The following SCN2B variants were observed in gnomAD, a reference collection of about 807,000 sequenced individuals.
SCN2B encodes the protein sodium channel regulatory subunit beta-2.
SCN2B carries 14 observed loss-of-function variants against 18.2 expected under a neutral mutation model. The ratio of observed to expected loss-of-function variants is 0.77; its 90% CI spans 0.51 to 1.21. The LOEUF (loss-of-function observed/expected upper bound fraction) is 1.21. Ranked by LOEUF, SCN2B falls within the 50% of genes most tolerant of loss-of-function variation. SCN2B has a pLI of 0.00. For missense variants in SCN2B, 262 were observed against 286.9 expected, an observed-to-expected ratio of 0.91 and a Z score of 0.63; for synonymous variants, 115 against 115.3, an observed-to-expected ratio of 1.00 and a Z score of 0.02.
At chr11:118,174,291 G>A (rs1752673952) in intron 1 of SCN2B, among the ~76,000 whole-genome samples, 1 of 151,636 alleles carries the variant, frequency 6.6e-6, no homozygotes, top group Admixed American at 6.6e-5. Context: ...TGGTAAGCAG[G>A]CCAGTGACTG....
chr11:118,174,261 C>T (rs1201072897), intron 1 of SCN2B, among the ~76,000 whole-genome samples: 1 of 151,854 alleles, frequency 6.6e-6, no homozygotes, highest in African/African-American at 2.4e-5. Flanking sequence ...TCTATGCCTC[C>T]ACTAACATAA....
Position 118,171,370 on chromosome 11 carries a change from A to T in SCN2B, c.71-2619T>A, listed in dbSNP as rs1948430095. Among the ~76,000 whole-genome samples, 3 of 152,262 alleles carry T rather than the reference A, an allele frequency of 2.0e-5. No individual in the cohort carries two copies. The South Asian group carries it at 6.2e-4, about 32-fold the overall frequency. Reference sequence around the variant, plus strand: ...TCTGGCAGCGCACCAGCCAAGGAGGAGGTGTGCAGAAAATGCCAACAGCAT... The same window carrying T: ...TCTGGCAGCGCACCAGCCAAGGAGGTGGTGTGCAGAAAATGCCAACAGCAT... On this transcript the variant is annotated intron_variant, in intron 1 of 3. Coordinates refer to ENST00000278947, the MANE Select transcript of SCN2B (RefSeq NM_004588.5).
At chr11:118,173,610 G>T (rs1398058178) in intron 1 of SCN2B, among the ~76,000 whole-genome samples, 6 of 152,182 alleles carry the variant, frequency 3.9e-5, no homozygotes, top group Non-Finnish European at 5.9e-5. Context: ...ACAGTGCCTA[G>T]CACATGGCCT....
chr11:118,176,388 G>A lies in SCN2B; in HGVS notation c.44C>T (p.Thr15Met), dbSNP rs201373014. ...AWLPRPAFSL[T>M]GLSLFFSLVP... The stretch of plus-strand genomic sequence containing the variant: ...CAAAGAGAAAAAGAGACTGAGCCCC[G>A]TGAGGCTGAAGGCAGGGCGAGGTAG... Residue 15 changes from threonine (T) to methionine (M), a missense_variant, in exon 1 of 4, where the codon ACG becomes ATG. Physicochemically the swap from Thr to Met is moderately conservative, Grantham distance 81. Coordinates refer to ENST00000278947, the MANE Select transcript of SCN2B (RefSeq NM_004588.5). 1.5e-5 allele frequency: 25 copies of A among 1,613,916 alleles called. No individual in the cohort carries two copies. Among genetic ancestry groups the A allele is most frequent in the Middle Eastern group, 3.3e-4 (2 of 6,084 alleles).
At position 118,162,942 on chromosome 11, in the gene SCN2B, T is replaced by C. The variant is rs999526868; in HGVS notation, c.*3945A>G. 6 of 152,526 alleles carry C rather than the reference T, an allele frequency of 3.9e-5. No homozygotes were observed. Among genetic ancestry groups the C allele is most frequent in the African/African-American group, 1.2e-4 (5 of 41,424 alleles). The allele number at this position is 152,526 out of a possible 1,614,324, so 9.4% of individuals were successfully genotyped here. A position where few individuals can be genotyped will look rare whatever the true frequency, so the allele number is the denominator to read the frequency against. On this transcript the variant is annotated 3_prime_UTR_variant, in exon 4 of 4. Transcript: ENST00000278947. ...AGGGCCATCTCAGTTTCTCTCCCCT[T>C]CCAACCACCCCTTCCAACCTCTCTA...
rs1301415690 is a variant in SCN2B at position 118,163,036 on chromosome 11, C to T, written c.*3851G>A. On this transcript the variant is annotated 3_prime_UTR_variant, in exon 4 of 4. Transcript: ENST00000278947. The stretch of plus-strand genomic sequence containing the variant: ...CCTCCAAGTGCACAAAGCGCAAGAA[C>T]ATTCCAAAATTTGCCTTTGGTGAAT... 1 of 152,616 alleles carries T rather than the reference C, an allele frequency of 6.6e-6. No homozygotes were observed. The highest frequency in any genetic ancestry group is 1.5e-5 in the Non-Finnish European group (1 of 68,042). The allele number at this position is 152,616 out of a possible 1,614,324, so 9.5% of individuals were successfully genotyped here. A position where few individuals can be genotyped will look rare whatever the true frequency, so the allele number is the denominator to read the frequency against.
rs771285734 is a variant in SCN2B at position 118,168,564 on chromosome 11, T to C, written c.237+21A>G. On this transcript the variant is annotated intron_variant, in intron 2 of 3. Transcript: ENST00000278947. This position sits in a 1 kb window ranked among gnomAD's most constrained non-coding sequence, Gnocchi z 4.7. ...GGGCTCCTACCTCCTCCCCTGCCCC[T>C]GCCTTCAGCCCAGGACTCACCATCT... 1 of 1,614,000 alleles carries C rather than the reference T, an allele frequency of 6.2e-7. No individual in the cohort carries two copies. The highest frequency in any genetic ancestry group is 8.5e-7 in the Non-Finnish European group (1 of 1,179,982).
chr11:118,166,647 C>T lies in SCN2B; in HGVS notation c.*240G>A. On this transcript the variant is annotated 3_prime_UTR_variant, in exon 4 of 4. Coordinates refer to ENST00000278947, the MANE Select transcript of SCN2B (RefSeq NM_004588.5). ...CCCCCCAGGGACTGGCAGGTGGGAG[C>T]CCTTTCTCTCCTCTCCCCAGGGCCC... The T allele has an allele frequency of 1.8e-6, 1 of 569,642 alleles. No homozygotes were observed. The highest frequency in any genetic ancestry group is 3.1e-6 in the Non-Finnish European group (1 of 317,508). The allele number at this position is 569,642 out of a possible 1,614,324, so 35.3% of individuals were successfully genotyped here. A position where few individuals can be genotyped will look rare whatever the true frequency, so the allele number is the denominator to read the frequency against.
rs1948441794 is a variant in SCN2B, at chr11:118,173,017, T to G, written c.70+3345A>C. On this transcript the variant is annotated intron_variant, in intron 1 of 3. Coordinates refer to ENST00000278947, the MANE Select transcript of SCN2B (RefSeq NM_004588.5). Reference sequence around the variant, plus strand: ...TGCACTGCCTTACCATCCAGACCCTTCCTGCTCAAGGGCCTCCCCAACCCC... The same window carrying G: ...TGCACTGCCTTACCATCCAGACCCTGCCTGCTCAAGGGCCTCCCCAACCCC... 2.6e-5 allele frequency among the ~76,000 whole-genome samples: 4 copies of G among 151,872 alleles called. No individual in the cohort carries two copies. The South Asian group carries it at 8.3e-4, about 32-fold the overall frequency.
chr11:118,176,092 C>G (rs988098468), intron 1 of SCN2B, among the ~76,000 whole-genome samples: 1 of 152,340 alleles, frequency 6.6e-6, no homozygotes, highest in African/African-American at 2.4e-5. Context: ...CGTAGGTCCA[C>G]TTAGGGGAAA....
chr11:118,167,186 C>A, intron 3 of SCN2B, 100 bp from the exon 4 acceptor site: 1 of 1,261,720 alleles, frequency 7.9e-7, no homozygotes. Context: ...TGACTTTACT[C>A]TCCTCCACAG....
chr11:118,174,097 T>TTTTTTG (rs1565464829), intron 1 of SCN2B, among the ~76,000 whole-genome samples: 1 of 121,310 alleles, frequency 8.2e-6, no homozygotes, highest in African/African-American at 3.3e-5. Context: ...TTTTCTTTTT[T>TTTTTTG]TTTTTTTTTT....
rs1400115774 is a variant in SCN2B, at chr11:118,166,596, G to A, written c.*291C>T. On this transcript the variant is annotated 3_prime_UTR_variant, in exon 4 of 4. Transcript: ENST00000278947. ...CTGCCCACCCACTCCCTTCTCTCTG[G>A]GGACCCTCACATGTGCCTCCTGCCT... 1.4e-5 allele frequency: 7 copies of A among 489,444 alleles called. No individual in the cohort carries two copies. Among genetic ancestry groups the A allele is most frequent in the Non-Finnish European group, 2.3e-5 (6 of 266,150 alleles). 30.3% of individuals were successfully genotyped at this position (489,444 alleles called of 1,614,324 possible).
intron 1 of SCN2B, among the ~76,000 whole-genome samples, chr11:118,169,930 C>T (rs938674448): frequency 6.6e-5 from 10 of 152,190 alleles, no homozygotes; most frequent in African/African-American, 2.2e-4. Flanking sequence ...ATGTCACGCC[C>T]TAGGCACCTC....
At position 118,166,601 on chromosome 11, in the gene SCN2B, C is replaced by T. The variant is rs565917142; in HGVS notation, c.*286G>A. 6.0e-6 allele frequency: 3 copies of T among 499,634 alleles called. No homozygotes were observed. The South Asian group carries it at 6.2e-5, about 10-fold the overall frequency. 31.0% of individuals were successfully genotyped at this position (499,634 alleles called of 1,614,324 possible). ...CACCCACTCCCTTCTCTCTGGGGAC[C>T]CTCACATGTGCCTCCTGCCTCCCCC... On this transcript the variant is annotated 3_prime_UTR_variant, in exon 4 of 4. Coordinates refer to ENST00000278947, the MANE Select transcript of SCN2B (RefSeq NM_004588.5).
At chr11:118,169,975 G>A (rs1948417497) in intron 1 of SCN2B, among the ~76,000 whole-genome samples, 1 of 152,198 alleles carries the variant, frequency 6.6e-6, no homozygotes. Context: ...TTCATTCCAA[G>A]ATGCTCTGCC....
rs537870557 is a variant in SCN2B at position 118,168,863 on chromosome 11, G to C, written c.71-112C>G. 5.8e-5 allele frequency: 69 copies of C among 1,184,042 alleles called. 2 individuals are homozygous for C. In the South Asian group the frequency reaches 7.2e-4, roughly 12 times the overall value. The allele number at this position is 1,184,042 out of a possible 1,614,324, so 73.3% of individuals were successfully genotyped here. A position where few individuals can be genotyped will look rare whatever the true frequency, so the allele number is the denominator to read the frequency against. On this transcript the variant is annotated intron_variant, in intron 1 of 3. Transcript: ENST00000278947. The surrounding 1 kb of genome is among the most constrained non-coding windows in gnomAD (Gnocchi z 4.7). The stretch of plus-strand genomic sequence containing the variant: ...TGAGGCAGAGCAGAGCCACAGGGAG[G>C]GGACTGGGTCCCTGACAGCTCCAGT...
chr11:118,168,574 C>T lies in SCN2B; in HGVS notation c.237+11G>A, dbSNP rs1252271422. ...CTCCTCCCCTGCCCCTGCCTTCAGCCCAGGACTCACCATCTCCTCAGAGCA... is the reference window on the plus strand; with the variant it reads ...CTCCTCCCCTGCCCCTGCCTTCAGCTCAGGACTCACCATCTCCTCAGAGCA... On this transcript the variant is annotated intron_variant, in intron 2 of 3. Transcript: ENST00000278947. The surrounding 1 kb of genome is among the most constrained non-coding windows in gnomAD (Gnocchi z 4.7). 2 of 1,614,172 alleles carry T rather than the reference C, an allele frequency of 1.2e-6. No homozygotes were observed. The highest frequency in any genetic ancestry group is 2.2e-5 in the South Asian group (2 of 91,052).
At chr11:118,175,484 C>T (rs923875281) in intron 1 of SCN2B, among the ~76,000 whole-genome samples, 3 of 152,214 alleles carry the variant, frequency 2.0e-5, no homozygotes, top group Non-Finnish European at 4.4e-5. Flanking sequence ...ATCAACAGTC[C>T]TTGGACTTGA....
Sources: allele counts gnomAD v4.1 joint callset (sites outside exome capture counted in the v4.1 genomes callset), GRCh38; gene constraint gnomAD v4.1.1; non-coding constraint Gnocchi (gnomAD v3.1); transcripts MANE v1.5; gene names NCBI Gene and HGNC (gene_info 2026-07-23, HGNC 2026-07-21).